ECD: variants seen among roughly 807,000 people sequenced by gnomAD.
The protein encoded by ECD is ecdysoneless cell cycle regulator, also known as protein ecdysoneless homolog.
A neutral mutation model predicts 77.2 loss-of-function variants in ECD; 59 were observed. The ratio of observed to expected loss-of-function variants is 0.76; its 90% CI spans 0.62 to 0.95. The LOEUF (loss-of-function observed/expected upper bound fraction) is 0.95. Ranked by LOEUF, ECD falls within the 40% of genes least tolerant of loss-of-function variation. The probability of loss-of-function intolerance (pLI) is 0.00; values close to 1 mark genes in which losing one functional copy is unlikely to be tolerated. For synonymous variants in ECD, 233 were observed against 267.4 expected (o/e 0.87, Z 1.26); for missense variants, 704 against 763.4 (o/e 0.92, Z 0.92).
At chr10:73,160,637 T>C in intron 2 of ECD, 86 bp from the exon 3 acceptor site, 1 of 954,930 alleles carries the variant, frequency 1.0e-6, no homozygotes, top group South Asian at 1.7e-5. Flanking sequence ...TGAATACACA[T>C]TCATTGACTG....
chr10:73,141,225 C>T (rs953515316), intron 9 of ECD, among the ~76,000 whole-genome samples: 2 of 149,808 alleles, frequency 1.3e-5, no homozygotes, highest in South Asian at 2.1e-4. Flanking sequence ...CTCCGTTGGC[C>T]GGGTGCGGTG....
At chr10:73,150,177 T>C (rs1386213436) in intron 7 of ECD, among the ~76,000 whole-genome samples, 2 of 152,096 alleles carry the variant, frequency 1.3e-5, no homozygotes, top group Non-Finnish European at 1.5e-5. Flanking sequence ...AAAACAGAGA[T>C]ATAGACTAAT....
At chr10:73,164,012 T>G in intron 1 of ECD, 62 bp from the exon 2 acceptor site, 5 of 1,395,074 alleles carry the variant, frequency 3.6e-6, no homozygotes, top group African/African-American at 1.4e-5. Context: ...ATCTGAACTC[T>G]TTTAGATGGT....
chr10:73,146,347 A>G lies in ECD; in HGVS notation c.1056T>C (p.Gly352=). 6.2e-7 allele frequency: 1 copy of G among 1,605,620 alleles called. No homozygotes were observed. Among genetic ancestry groups the G allele is most frequent in the Non-Finnish European group, 8.5e-7 (1 of 1,175,412 alleles). ...KNDYFKGLIE[G]SAQYRERLEM... is the part of the protein sequence containing the mutation. ...CTAGCCTTTCCCGGTACTGAGCAGA[A>G]CCTTCTATCAGTCCCTTAAAAAAAA... Residue 352 remains glycine (G), a synonymous_variant, in exon 9 of 14, where the codon GGT becomes GGC. Coordinates refer to ENST00000372979, the MANE Select transcript of ECD (RefSeq NM_007265.3).
At chr10:73,160,325 C>T (rs1843359284) in intron 3 of ECD, 109 bp downstream of exon 3, 1 of 636,274 alleles carries the variant, frequency 1.6e-6, no homozygotes, top group South Asian at 2.5e-5. Flanking sequence ...AAAATCTGTA[C>T]AATTTCCAGC....
chr10:73,155,361 C>T (rs1035837420), intron 5 of ECD, among the ~76,000 whole-genome samples: 3 of 151,852 alleles, frequency 2.0e-5, no homozygotes, highest in African/African-American at 2.4e-5. Context: ...CCACCGCGCC[C>T]GGCCAAAAAT....
At chr10:73,160,631 T>TACAC (rs1400868438) in intron 2 of ECD, 80 bp from the exon 3 acceptor site, 3 of 1,016,964 alleles carry the variant, frequency 2.9e-6, no homozygotes, top group Non-Finnish European at 4.4e-6. Context: ...TTCAACTGAA[T>TACAC]ACACATTCAT....
chr10:73,139,793 C>A, intron 9 of ECD, 56 bp from the exon 10 acceptor site: 3 of 1,147,184 alleles, frequency 2.6e-6, no homozygotes, highest in Non-Finnish European at 3.7e-6. Flanking sequence ...GAATAGTAAT[C>A]ATAAATACAT....
intron 2 of ECD, among the ~76,000 whole-genome samples, chr10:73,162,481 C>T (rs1297273436): frequency 1.3e-5 from 2 of 152,186 alleles, no homozygotes; most frequent in African/African-American, 4.8e-5. Context: ...AGATGTGCTA[C>T]ACCAATGTGA....
chr10:73,167,686 T>G (rs972701620), intron 1 of ECD, among the ~76,000 whole-genome samples, 180 bp downstream of exon 1: 1 of 152,120 alleles, frequency 6.6e-6, no homozygotes, highest in African/African-American at 2.4e-5. Context: ...CAGAATTTGG[T>G]GTCAGAACTG....
At chr10:73,147,011 G>A (rs889954288) in intron 8 of ECD, among the ~76,000 whole-genome samples, 4 of 151,980 alleles carry the variant, frequency 2.6e-5, no homozygotes, top group African/African-American at 9.7e-5. Flanking sequence ...GCAGAGGTGG[G>A]AGGGTCACTT....
chr10:73,142,559 G>T (rs1843072337), intron 9 of ECD, among the ~76,000 whole-genome samples: 1 of 150,932 alleles, frequency 6.6e-6, no homozygotes, highest in Non-Finnish European at 1.5e-5. Flanking sequence ...GCTTGAACCC[G>T]GGAGGTGGAG....
intron 1 of ECD, among the ~76,000 whole-genome samples, chr10:73,165,423 C>T (rs1447964117): frequency 6.6e-6 from 1 of 151,672 alleles, no homozygotes; most frequent in South Asian, 2.1e-4. Flanking sequence ...GTGATCGCAG[C>T]TCACTGCAAC....
At chr10:73,154,198 T>C (rs1843262228) in intron 6 of ECD, 58 bp downstream of exon 6, 1 of 1,486,082 alleles carries the variant, frequency 6.7e-7, no homozygotes, top group Admixed American at 2.3e-5. Flanking sequence ...AAAAAAATAA[T>C]AATGTTTCAA....
intron 12 of ECD, among the ~76,000 whole-genome samples, chr10:73,137,177 TTAAAA>T (rs1282799583): frequency 6.6e-6 from 1 of 151,862 alleles, no homozygotes; most frequent in Non-Finnish European, 1.5e-5. Flanking sequence ...ATTCAATTAA[TTAAAA>T]TATTTTTCTT....
chr10:73,139,830 C>T, intron 9 of ECD, 93 bp from the exon 10 acceptor site: 1 of 815,966 alleles, frequency 1.2e-6, no homozygotes, highest in South Asian at 2.1e-5. Flanking sequence ...AAGGGATTAG[C>T]TAGTCTAATT....
intron 5 of ECD, 23 bp from the exon 6 acceptor site, chr10:73,154,471 T>C: frequency 6.3e-7 from 1 of 1,584,154 alleles, no homozygotes; most frequent in Non-Finnish European, 8.6e-7. Flanking sequence ...ACATAATTAC[T>C]TTCATTTTAC....
intron 8 of ECD, among the ~76,000 whole-genome samples, chr10:73,147,872 G>A (rs1281978335): frequency 1.3e-5 from 2 of 151,838 alleles, no homozygotes; most frequent in African/African-American, 4.8e-5. Flanking sequence ...CTTCATTACT[G>A]TGTTCATATA....
intron 5 of ECD, 50 bp from the exon 6 acceptor site, chr10:73,154,498 T>C: frequency 6.8e-7 from 1 of 1,477,348 alleles, no homozygotes. Flanking sequence ...TAAATACCTA[T>C]AATTCTTATA....
Sources: allele counts gnomAD v4.1 joint callset (sites outside exome capture counted in the v4.1 genomes callset), GRCh38; gene constraint gnomAD v4.1.1; transcripts MANE v1.5; gene names NCBI Gene and HGNC (gene_info 2026-07-23, HGNC 2026-07-21).